SNX30: variants seen among roughly 807,000 people sequenced by gnomAD.
The protein encoded by SNX30 is sorting nexin-30.
In SNX30, 24 loss-of-function variants were observed where a neutral mutation model predicts 46.4. The ratio of observed to expected loss-of-function variants is 0.52; its 90% confidence interval spans 0.37 to 0.73. The LOEUF (loss-of-function observed/expected upper bound fraction) is 0.73. Among genes scored for constraint, SNX30 ranks in the 30% least tolerant of loss-of-function variants. The pLI is 0.00. For missense variants in SNX30, 533 were observed against 555.7 expected (o/e 0.96, Z 0.41); for synonymous variants, 189 against 211.5 (o/e 0.89, Z 0.92).
rs1431186619 is a variant in SNX30 at position 112,864,361 on chromosome 9, A to G, written c.1216A>G (p.Met406Val). The G allele has an allele frequency of 1.2e-6, 2 of 1,614,252 alleles. No individual in the cohort carries two copies. The highest frequency in any genetic ancestry group is 1.7e-5 in the Admixed American group (1 of 60,034). Residue 406 changes from methionine to valine, a missense_variant, in exon 8 of 9, where the codon ATG (methionine) becomes GTG (valine). This residue lies in a region of SNX30 where 261 missense variants were observed against 270.9 expected (regional missense o/e 0.96). Transcript: ENST00000374232. ...GAGGCAGGACTTCCGGCAGCTACTC[A>G]TGGGGATGGCTGACAAGAACATCCA... ...NKRQDFRQLL[M>V]GMADKNIQYY...
chr9:112,826,638 G>A (rs1050852331), intron 3 of SNX30, among the ~76,000 whole-genome samples: 1 of 152,160 alleles, frequency 6.6e-6, no homozygotes, highest in African/African-American at 2.4e-5. Flanking sequence ...CAGGGGCTAA[G>A]GAATGGAGGT....
chr9:112,805,475 AT>A (rs150221355), intron 2 of SNX30, among the ~76,000 whole-genome samples: 10,335 of 152,094 alleles, frequency 0.068, 449 homozygotes, highest in Non-Finnish European at 0.099. Context: ...GATCATAACA[AT>A]TTTTTATTTT....
chr9:112,797,550 C>T (rs115100943), intron 1 of SNX30, among the ~76,000 whole-genome samples: 3,781 of 152,016 alleles, frequency 0.025, 155 homozygotes, highest in African/African-American at 0.082. Context: ...ATCATACTTC[C>T]ATTATCATAC....
chr9:112,807,205 A>G (rs1469599762), intron 2 of SNX30, among the ~76,000 whole-genome samples: 4 of 151,672 alleles, frequency 2.6e-5, no homozygotes, highest in Non-Finnish European at 5.9e-5. Context: ...AGCTGGGACT[A>G]CAGATGTATG....
At position 112,838,846 on chromosome 9, in the gene SNX30, T is replaced by C. The variant is rs1840810559; in HGVS notation, c.1014+149T>C. On this transcript the variant is annotated intron_variant, in intron 6 of 8. Transcript: ENST00000374232. ...GACACGTGGACTGACATCATGGACA[T>C]ATAAATGGAACACATGGTGAACGAA... 7.5e-6 allele frequency: 5 copies of C among 666,740 alleles called. No individual in the cohort carries two copies. The East Asian group carries it at 1.4e-4, about 19-fold the overall frequency. 41.3% of individuals were successfully genotyped at this position (666,740 alleles called of 1,614,324 possible). A position where few individuals can be genotyped will look rare whatever the true frequency, so the allele number is the denominator to read the frequency against.
chr9:112,869,078 T>C lies in SNX30; in HGVS notation c.*235T>C. The C allele has an allele frequency of 1.8e-6, 1 of 571,024 alleles. No individual in the cohort carries two copies. Among genetic ancestry groups the C allele is most frequent in the Non-Finnish European group, 3.1e-6 (1 of 318,618 alleles). The allele number at this position is 571,024 out of a possible 1,614,324, so 35.4% of individuals were successfully genotyped here. A position where few individuals can be genotyped will look rare whatever the true frequency, so the allele number is the denominator to read the frequency against. ...TCAGCAAGAGCAGCATACCTCCATGTTGTGAAGGCATCTGTTCAGTGAAGC... is the reference window on the plus strand; with the variant it reads ...TCAGCAAGAGCAGCATACCTCCATGCTGTGAAGGCATCTGTTCAGTGAAGC... On this transcript the variant is annotated 3_prime_UTR_variant, in exon 9 of 9. Coordinates refer to ENST00000374232, the MANE Select transcript of SNX30 (RefSeq NM_001012994.2).
At chr9:112,808,740 A>G (rs560394672) in intron 2 of SNX30, among the ~76,000 whole-genome samples, 2 of 152,310 alleles carry the variant, frequency 1.3e-5, no homozygotes, top group East Asian at 3.9e-4. Context: ...TATTTTGTAT[A>G]CTGCCAATTC....
At chr9:112,841,537 T>C (rs1404360016) in intron 6 of SNX30, among the ~76,000 whole-genome samples, 1 of 152,210 alleles carries the variant, frequency 6.6e-6, no homozygotes, top group East Asian at 1.9e-4. Context: ...GGACTGGCAG[T>C]CTCTGAAACC....
intron 1 of SNX30, among the ~76,000 whole-genome samples, chr9:112,766,833 G>A (rs957880976): frequency 3.9e-5 from 6 of 152,122 alleles, no homozygotes; most frequent in African/African-American, 1.2e-4. Context: ...TTGTGTATAT[G>A]TATCACATTT....
chr9:112,785,835 G>A (rs995242155), intron 1 of SNX30, among the ~76,000 whole-genome samples: 4 of 152,028 alleles, frequency 2.6e-5, no homozygotes, highest in Non-Finnish European at 5.9e-5. Context: ...GTAATTTTTA[G>A]CTAAATTTTG....
Position 112,797,067 on chromosome 9 carries a change from G to A in SNX30, c.157-7709G>A, listed in dbSNP as rs561682535. Among the ~76,000 whole-genome samples, 5 of 152,294 alleles carry A rather than the reference G, an allele frequency of 3.3e-5. No homozygotes were observed. The South Asian group carries it at 1.0e-3, about 32-fold the overall frequency. ...CATATTCTTTAGTCTCTGTTTCCCA[G>A]TTATTCCAAAGCGATATTCAGAGGC... On this transcript the variant is annotated intron_variant, in intron 1 of 8. Coordinates refer to ENST00000374232, the MANE Select transcript of SNX30 (RefSeq NM_001012994.2).
intron 1 of SNX30, among the ~76,000 whole-genome samples, chr9:112,793,047 T>G (rs980429921): frequency 1.3e-5 from 2 of 152,146 alleles, no homozygotes; most frequent in African/African-American, 4.8e-5. Context: ...CTAATGCCAT[T>G]TTGAGTTGTT....
At chr9:112,838,819 C>G (rs1840809801) in intron 6 of SNX30, 122 bp downstream of exon 6, 1 of 849,026 alleles carries the variant, frequency 1.2e-6, no homozygotes, top group Admixed American at 2.3e-5. Context: ...TGGGCAGGAT[C>G]AGACACGTGG....
At chr9:112,751,262 C>G in intron 1 of SNX30, 105 bp downstream of exon 1, 2 of 1,248,900 alleles carry the variant, frequency 1.6e-6, no homozygotes, top group African/African-American at 1.6e-5. Context: ...ACCCTGCCGC[C>G]CCTTCCCGGG....
intron 6 of SNX30, among the ~76,000 whole-genome samples, chr9:112,840,147 C>G (rs191198031): frequency 6.6e-6 from 1 of 152,252 alleles, no homozygotes; most frequent in African/African-American, 2.4e-5. Context: ...ACTTTCCAAG[C>G]CAGGATTGAA....
At chr9:112,786,664 T>C (rs986399171) in intron 1 of SNX30, among the ~76,000 whole-genome samples, 2 of 151,778 alleles carry the variant, frequency 1.3e-5, no homozygotes, top group African/African-American at 4.8e-5. Context: ...ACGTCTGTCC[T>C]TGACTTTTTT....
At chr9:112,757,987 A>G (rs1839377648) in intron 1 of SNX30, among the ~76,000 whole-genome samples, 2 of 152,110 alleles carry the variant, frequency 1.3e-5, no homozygotes, top group Admixed American at 1.3e-4. Flanking sequence ...CCGTCTGCAC[A>G]GTGGCTTATC....
intron 7 of SNX30, among the ~76,000 whole-genome samples, chr9:112,851,656 G>A (rs1841029936): frequency 6.6e-6 from 1 of 152,214 alleles, no homozygotes; most frequent in South Asian, 2.1e-4. Flanking sequence ...TGGAGAAAGA[G>A]TAATTCGTGC....
intron 1 of SNX30, among the ~76,000 whole-genome samples, chr9:112,766,764 C>T (rs1379345845): frequency 6.6e-6 from 1 of 152,196 alleles, no homozygotes; most frequent in East Asian, 1.9e-4. Flanking sequence ...CCTTAAGGCT[C>T]ATCCATGCTG....
Sources: allele counts gnomAD v4.1 joint callset (sites outside exome capture counted in the v4.1 genomes callset), GRCh38; gene constraint gnomAD v4.1.1; regional missense constraint gnomAD v4.1.1; transcripts MANE v1.5; gene names NCBI Gene and HGNC (gene_info 2026-07-23, HGNC 2026-07-21).